Variants in ST7L observed in about 807,000 individuals in gnomAD.
The protein encoded by ST7L is suppression of tumorigenicity 7 like.
A neutral mutation model predicts 72.5 loss-of-function variants in ST7L; 57 were observed. The observed-to-expected ratio is 0.79, with a 90% confidence interval of 0.64 to 0.98. ST7L has a LOEUF of 0.98. Ranked by LOEUF, ST7L falls within the 50% of genes least tolerant of loss-of-function variation. The pLI is 0.00. For synonymous variants in ST7L, 221 were observed against 240.9 expected (o/e 0.92, Z 0.77); for missense variants, 576 against 672.2 (o/e 0.86, Z 1.58).
rs772539181 is a variant in ST7L at position 112,550,700 on chromosome 1, A to G, written c.1397-7T>C. ...TATGGAATCATTCTAAAAGCTGAGG[A>G]AAAAAAAGCATGTGTTGATACTCAA... On this transcript the variant is annotated splice_region_variant and splice_polypyrimidine_tract_variant and intron_variant, in intron 12 of 14. Transcript: ENST00000358039. The G allele has an allele frequency of 5.9e-5, 95 of 1,598,538 alleles. No individual in the cohort carries two copies. The highest frequency in any genetic ancestry group is 2.7e-4 in the Admixed American group (16 of 59,594).
intron 5 of ST7L, among the ~76,000 whole-genome samples, chr1:112,597,348 C>T (rs1666634556): frequency 6.6e-6 from 1 of 152,160 alleles, no homozygotes; most frequent in Non-Finnish European, 1.5e-5. Flanking sequence ...GGCACAGTGG[C>T]TCATGCCTAT....
At chr1:112,546,388 C>T (rs1657082632) in intron 13 of ST7L, among the ~76,000 whole-genome samples, 1 of 151,164 alleles carries the variant, frequency 6.6e-6, no homozygotes, top group Admixed American at 6.6e-5. Flanking sequence ...TATTGTCTGC[C>T]TGAACTCATG....
At chr1:112,593,572 A>G (rs1234736208) in intron 5 of ST7L, among the ~76,000 whole-genome samples, 1 of 152,204 alleles carries the variant, frequency 6.6e-6, no homozygotes, top group East Asian at 1.9e-4. Flanking sequence ...ACTGTCTCAA[A>G]GGGAGAGCCA....
chr1:112,527,600 CTGA>C (rs1653669303), intron 14 of ST7L: 1 of 152,648 alleles, frequency 6.6e-6, no homozygotes, highest in Non-Finnish European at 1.5e-5. Context: ...GAATGAGCTG[CTGA>C]TGACAGCAGC....
intron 13 of ST7L, among the ~76,000 whole-genome samples, chr1:112,549,324 C>T (rs905904025): frequency 3.3e-5 from 5 of 152,074 alleles, no homozygotes; most frequent in Admixed American, 6.6e-5. Context: ...ACCCAGGAGG[C>T]GGAGGTTGTA....
At chr1:112,609,426 G>A (rs1011496615) in intron 3 of ST7L, among the ~76,000 whole-genome samples, 1 of 152,022 alleles carries the variant, frequency 6.6e-6, no homozygotes, top group Non-Finnish European at 1.5e-5. Context: ...AGCTACTTGG[G>A]AGGCTGAGGA....
intron 13 of ST7L, among the ~76,000 whole-genome samples, chr1:112,548,356 T>A (rs1007329560): frequency 6.6e-6 from 1 of 151,880 alleles, no homozygotes; most frequent in Non-Finnish European, 1.5e-5. Flanking sequence ...GGAAACTCCA[T>A]CTCAAAAAAC....
At position 112,582,108 on chromosome 1, in the gene ST7L, T is replaced by A; in HGVS notation, c.955-2A>T. 6.3e-7 allele frequency: 1 copy of A among 1,577,324 alleles called. No individual in the cohort carries two copies. The highest frequency in any genetic ancestry group is 8.7e-7 in the Non-Finnish European group (1 of 1,148,310). ...AAGAGGAGGAAATTCTTTCATCAAC[T>A]GTATATTAAAAGGAAAAGAAAGATT... is the stretch of plus-strand genomic sequence containing the variant. On this transcript the variant is annotated splice_acceptor_variant, in intron 8 of 14. Coordinates refer to ENST00000358039, the MANE Select transcript of ST7L (RefSeq NM_017744.5). LOFTEE classifies it high-confidence loss of function.
intron 14 of ST7L, 167 bp downstream of exon 14, chr1:112,541,784 C>T: frequency 3.8e-6 from 5 of 1,322,636 alleles, no homozygotes; most frequent in Non-Finnish European, 3.9e-6. Flanking sequence ...CTCAAATCAC[C>T]AAAAATTTAT....
chr1:112,553,681 G>C (rs181801915), intron 12 of ST7L, among the ~76,000 whole-genome samples: 1 of 152,234 alleles, frequency 6.6e-6, no homozygotes, highest in East Asian at 1.9e-4. Flanking sequence ...AATCACATTG[G>C]ACACTACCAT....
At chr1:112,570,635 T>C (rs1167411618) in intron 11 of ST7L, 11 of 407,618 alleles carry the variant, frequency 2.7e-5, no homozygotes. Flanking sequence ...TGACTCACAA[T>C]TGAAGTGTGA....
intron 2 of ST7L, 150 bp from the exon 3 acceptor site, chr1:112,611,153 A>G: frequency 1.4e-6 from 1 of 702,046 alleles, no homozygotes; most frequent in Non-Finnish European, 2.2e-6. Context: ...CACAAGATTC[A>G]CCAATAACAT....
intron 5 of ST7L, among the ~76,000 whole-genome samples, chr1:112,593,101 A>G (rs1377331993): frequency 6.6e-6 from 1 of 152,178 alleles, no homozygotes; most frequent in Non-Finnish European, 1.5e-5. Context: ...TTAACATCTG[A>G]AACTTATTTT....
rs754362959 is a variant in ST7L, at chr1:112,577,093, A to T, written c.1143-5T>A. The T allele has an allele frequency of 6.4e-7, 1 of 1,555,372 alleles. No individual in the cohort carries two copies. Among genetic ancestry groups the T allele is most frequent in the Non-Finnish European group, 8.7e-7 (1 of 1,145,886 alleles). On this transcript the variant is annotated splice_polypyrimidine_tract_variant and splice_region_variant and intron_variant, in intron 10 of 14. Coordinates refer to ENST00000358039, the MANE Select transcript of ST7L (RefSeq NM_017744.5). ...GAGGCTGTTTCTGGAGAGAATCTAC[A>T]AGAAAACCACAAAATGAAAAAATAA...
chr1:112,545,005 C>A (rs1035920532), intron 13 of ST7L, among the ~76,000 whole-genome samples: 10 of 152,072 alleles, frequency 6.6e-5, no homozygotes, highest in Admixed American at 6.5e-4. Context: ...GCTATGTGAA[C>A]TAGGGGAATA....
chr1:112,578,283 G>C, intron 10 of ST7L, 62 bp downstream of exon 10: 1 of 1,421,158 alleles, frequency 7.0e-7, no homozygotes, highest in Middle Eastern at 1.9e-4. Flanking sequence ...AGTCAGTAGA[G>C]GACAAGCATA....
At chr1:112,573,516 AAC>A (rs1489993119) in intron 11 of ST7L, among the ~76,000 whole-genome samples, 2 of 152,174 alleles carry the variant, frequency 1.3e-5, no homozygotes, top group Non-Finnish European at 2.9e-5. Context: ...CATAAGAAGA[AAC>A]AAAAAATTTC....
rs145709199 is a variant in ST7L, at chr1:112,549,092, G to A, written c.1489+1509C>T. On this transcript the variant is annotated intron_variant, in intron 13 of 14. Coordinates refer to ENST00000358039, the MANE Select transcript of ST7L (RefSeq NM_017744.5). ...TCTATAGATCAATTTGGAGAGAATC[G>A]TCATCTAAATAATATTGGGGCCAGC... Among the ~76,000 whole-genome samples the A allele has an allele frequency of 1.6e-4, 25 of 151,890 alleles. No homozygotes were observed. The East Asian group carries it at 3.5e-3, about 21-fold the overall frequency.
intron 4 of ST7L, among the ~76,000 whole-genome samples, chr1:112,598,518 A>T (rs556922336): frequency 5.3e-5 from 8 of 151,690 alleles, no homozygotes; most frequent in African/African-American, 1.5e-4. Context: ...GGGAGGCTGA[A>T]GCTGAAGGAT....
Sources: gnomAD v4.1 joint callset for allele counts (sites outside exome capture counted in the v4.1 genomes callset) on GRCh38, gnomAD v4.1.1 for gene constraint, MANE v1.5 for transcripts, NCBI Gene and HGNC (gene_info 2026-07-23, HGNC 2026-07-21) for gene names.